Variants in TTC7B observed in about 807,000 individuals in gnomAD.
TTC7B encodes the protein tetratricopeptide repeat protein 7B.
A neutral mutation model predicts 106.8 loss-of-function variants in TTC7B; 28 were observed. That is an observed-to-expected ratio of 0.26 (90% CI 0.19 to 0.36). TTC7B has a LOEUF of 0.36. Among genes scored for constraint, TTC7B ranks in the 10% least tolerant of loss-of-function variants. The pLI is 1.00. For synonymous variants in TTC7B, 405 were observed against 430.6 expected (o/e 0.94, Z 0.74); for missense variants, 862 against 1,076.4 (o/e 0.80, Z 2.79).
intron 15 of TTC7B, among the ~76,000 whole-genome samples, chr14:90,637,298 T>G (rs917712897): frequency 6.6e-6 from 1 of 152,034 alleles, no homozygotes; most frequent in Non-Finnish European, 1.5e-5. Flanking sequence ...TATAATATAA[T>G]TACAGCTTAT....
At chr14:90,542,555 A>G (rs1467813303) in intron 19 of TTC7B, among the ~76,000 whole-genome samples, 2 of 152,110 alleles carry the variant, frequency 1.3e-5, no homozygotes, top group Non-Finnish European at 2.9e-5. Context: ...GTCACATCCA[A>G]TCTCTTTGCT....
chr14:90,548,291 G>A (rs909792651), intron 19 of TTC7B, among the ~76,000 whole-genome samples: 2 of 152,222 alleles, frequency 1.3e-5, no homozygotes, highest in African/African-American at 4.8e-5. Context: ...GGATGGTACT[G>A]GAGCACTTAA....
intron 19 of TTC7B, among the ~76,000 whole-genome samples, chr14:90,559,253 C>CCTG (rs1890467023): frequency 6.6e-6 from 1 of 152,234 alleles, no homozygotes; most frequent in African/African-American, 2.4e-5. Flanking sequence ...TGCAGGGGTT[C>CCTG]ACAGAATGGG....
chr14:90,781,165 C>G (rs539363310), intron 2 of TTC7B, among the ~76,000 whole-genome samples: 59 of 152,294 alleles, frequency 3.9e-4, no homozygotes, highest in African/African-American at 1.1e-3. Context: ...ACAACATAGA[C>G]GAACCCTAAA....
In TTC7B at chr14:90,738,807, G is replaced by A. The variant is rs186349743; in HGVS notation, c.576+5985C>T. Among the ~76,000 whole-genome samples the A allele has an allele frequency of 3.9e-5, 6 of 152,194 alleles. No individual in the cohort carries two copies. The East Asian group carries it at 1.2e-3, about 29-fold the overall frequency. ...TACACAACAATACGTTCATCGTATC[G>A]CAGAGGCCACACACGTGATACCAGC... On this transcript the variant is annotated intron_variant, in intron 4 of 19. Transcript: ENST00000328459.
intron 1 of TTC7B, among the ~76,000 whole-genome samples, chr14:90,813,096 G>A (rs1020024124): frequency 6.6e-6 from 1 of 152,164 alleles, no homozygotes; most frequent in African/African-American, 2.4e-5. Context: ...TTCTACCCAT[G>A]AAGTTCCCTC....
intron 4 of TTC7B, among the ~76,000 whole-genome samples, chr14:90,739,075 C>T (rs1030482478): frequency 3.9e-5 from 6 of 152,124 alleles, no homozygotes; most frequent in African/African-American, 1.4e-4. Flanking sequence ...TTAAAATAAG[C>T]ACTTGCTCTT....
At chr14:90,542,701 T>A (rs1889656395) in intron 19 of TTC7B, among the ~76,000 whole-genome samples, 1 of 144,054 alleles carries the variant, frequency 6.9e-6, no homozygotes, top group South Asian at 2.1e-4. Context: ...CCACACAGTC[T>A]ATGTATAAAC....
At chr14:90,797,602 T>C (rs371257939) in intron 1 of TTC7B, among the ~76,000 whole-genome samples, 7 of 152,016 alleles carry the variant, frequency 4.6e-5, no homozygotes, top group East Asian at 3.9e-4. Flanking sequence ...CACTGCTGTG[T>C]CATGCTGGTG....
chr14:90,616,614 C>A (rs1893089025), intron 16 of TTC7B, among the ~76,000 whole-genome samples: 1 of 152,208 alleles, frequency 6.6e-6, no homozygotes, highest in Non-Finnish European at 1.5e-5. Context: ...GCACTGCCCG[C>A]AGGGCCTGGG....
At chr14:90,705,748 T>C (rs1296555146) in intron 5 of TTC7B, among the ~76,000 whole-genome samples, 1 of 152,180 alleles carries the variant, frequency 6.6e-6, no homozygotes, top group African/African-American at 2.4e-5. Flanking sequence ...ATTGCTTTGT[T>C]CCTCACGTAG....
chr14:90,722,556 C>T (rs757200905), intron 5 of TTC7B, among the ~76,000 whole-genome samples: 9 of 152,158 alleles, frequency 5.9e-5, no homozygotes, highest in Non-Finnish European at 8.8e-5. Flanking sequence ...ATGAACTCCA[C>T]CTTAGAAAAG....
At chr14:90,635,917 C>T (rs993670084) in intron 15 of TTC7B, among the ~76,000 whole-genome samples, 24 of 151,848 alleles carry the variant, frequency 1.6e-4, no homozygotes, top group Non-Finnish European at 2.8e-4. Flanking sequence ...GTCAGGAGTT[C>T]GAGACCAGCC....
Position 90,530,958 on chromosome 14 carries a change from T to C in TTC7B, c.*10410A>G, listed in dbSNP as rs535562658. 1 of 151,950 alleles carries C rather than the reference T, an allele frequency of 6.6e-6. No homozygotes were observed. Among genetic ancestry groups the C allele is most frequent in the African/African-American group, 2.4e-5 (1 of 41,338 alleles). 9.4% of individuals were successfully genotyped at this position (151,950 alleles called of 1,614,324 possible). ...TGTGTTCCCCAATAACCTATGAAAA[T>C]AAAAAATTAAAATTCTATAGAATTT... On this transcript the variant is annotated 3_prime_UTR_variant, in exon 20 of 20. Coordinates refer to ENST00000328459, the MANE Select transcript of TTC7B (RefSeq NM_001010854.2).
chr14:90,673,866 A>G (rs1886722580), intron 9 of TTC7B, among the ~76,000 whole-genome samples: 1 of 152,218 alleles, frequency 6.6e-6, no homozygotes, highest in South Asian at 2.1e-4. Context: ...TTATATTTAT[A>G]TGAAATACCC....
chr14:90,777,107 G>A (rs942273425), intron 3 of TTC7B, among the ~76,000 whole-genome samples: 4 of 152,174 alleles, frequency 2.6e-5, no homozygotes, highest in African/African-American at 4.8e-5. Flanking sequence ...AGGTGTGATA[G>A]TGCACACCTG....
intron 1 of TTC7B, among the ~76,000 whole-genome samples, chr14:90,796,517 G>A (rs763833484): frequency 9.2e-5 from 14 of 152,178 alleles, no homozygotes; most frequent in East Asian, 3.8e-4. Flanking sequence ...CCCCCCACCC[G>A]GGGAAGGTGG....
rs1889407552 is a variant in TTC7B at position 90,535,877 on chromosome 14, C to T, written c.*5491G>A. 2 of 152,472 alleles carry T rather than the reference C, an allele frequency of 1.3e-5. No individual in the cohort carries two copies. The highest frequency in any genetic ancestry group is 4.8e-5 in the African/African-American group (2 of 41,472). 9.4% of individuals were successfully genotyped at this position (152,472 alleles called of 1,614,324 possible). Reference sequence around the variant, plus strand: ...CGGGTGGCCGCCTTCTCCGTGTGTCCTGGCGTGGCTGAGCGTGAGCTCACT... The same window carrying T: ...CGGGTGGCCGCCTTCTCCGTGTGTCTTGGCGTGGCTGAGCGTGAGCTCACT... On this transcript the variant is annotated 3_prime_UTR_variant, in exon 20 of 20. Transcript: ENST00000328459.
At chr14:90,792,816 A>C (rs929651752) in intron 1 of TTC7B, among the ~76,000 whole-genome samples, 2 of 152,112 alleles carry the variant, frequency 1.3e-5, no homozygotes, top group African/African-American at 4.8e-5. Flanking sequence ...CAAGATGGAA[A>C]ATGTGGGGAA....
Sources: gnomAD v4.1 joint callset for allele counts (sites outside exome capture counted in the v4.1 genomes callset) on GRCh38, gnomAD v4.1.1 for gene constraint, MANE v1.5 for transcripts, NCBI Gene and HGNC (gene_info 2026-07-23, HGNC 2026-07-21) for gene names.